The following ATP2B1 variants were observed in gnomAD, a reference collection of about 807,000 sequenced individuals.
The protein encoded by ATP2B1 is plasma membrane calcium-transporting ATPase 1.
ATP2B1 carries 14 observed loss-of-function variants against 124.2 expected under a neutral mutation model. That is an observed-to-expected ratio of 0.11 (90% CI 0.07 to 0.18). The LOEUF is 0.18. ATP2B1 is among the 10% of genes least tolerant of loss of function. The pLI, the probability that ATP2B1 is intolerant of heterozygous loss-of-function variation, is 1.00. For synonymous variants in ATP2B1, 449 were observed against 492.4 expected (o/e 0.91, Z 1.17); for missense variants, 763 against 1,466.1 (o/e 0.52, Z 7.83).
intron 1 of ATP2B1, among the ~76,000 whole-genome samples, chr12:89,661,637 C>A (rs1416716408): frequency 6.6e-6 from 1 of 152,156 alleles, no homozygotes; most frequent in Non-Finnish European, 1.5e-5. Flanking sequence ...GGTACTGACA[C>A]CCTGACCATT....
intron 1 of ATP2B1, among the ~76,000 whole-genome samples, chr12:89,659,661 G>T (rs1443758260): frequency 6.6e-6 from 1 of 152,180 alleles, no homozygotes; most frequent in Non-Finnish European, 1.5e-5. Flanking sequence ...AGTGGCTCAT[G>T]CCTGTAATCC....
intron 2 of ATP2B1, among the ~76,000 whole-genome samples, chr12:89,643,247 TAC>T (rs1266504859): frequency 5.9e-5 from 9 of 151,396 alleles, no homozygotes; most frequent in Non-Finnish European, 7.4e-5. Context: ...TATGTATATA[TAC>T]ACACACATAT....
Position 89,603,102 on chromosome 12 carries a change from C to T in ATP2B1, c.3001G>A (p.Glu1001Lys), listed in dbSNP as rs1005058350. 2 of 1,613,888 alleles carry T rather than the reference C, an allele frequency of 1.2e-6. No homozygotes were observed. Among genetic ancestry groups the T allele is most frequent in the African/African-American group, 1.3e-5 (1 of 75,014 alleles). The change falls in exon 18 of 21, where the codon GAA (glutamate) becomes AAA (lysine). Residue 1001 changes from glutamate (E) to lysine (K), a missense_variant. By Grantham distance (56) the Glu-to-Lys change is moderately conservative. Around this residue, in one of 7 missense-constraint regions of ATP2B1, gnomAD observed 118 missense variants for 240.3 expected, o/e 0.49. Transcript: ENST00000428670. The surrounding 1 kb of genome is among the most constrained non-coding windows in gnomAD (Gnocchi z 4.3). ...AAGATGGCATTGTTAAAGATTCCTTCGAATACATTTCTTTCACCATGAATT... is the reference window on the plus strand; with the variant it reads ...AAGATGGCATTGTTAAAGATTCCTTTGAATACATTTCTTTCACCATGAATT... Reference protein sequence around the residue: ...RKIHGERNVFEGIFNNAIFCT... With the variant: ...RKIHGERNVFKGIFNNAIFCT...
chr12:89,593,616 G>A (rs550810027), intron 20 of ATP2B1: 1 of 152,174 alleles, frequency 6.6e-6, no homozygotes, highest in Non-Finnish European at 1.5e-5. Context: ...GTAAACTTAA[G>A]TTAGAGATTT....
At chr12:89,618,017 G>A (rs1036041513) in intron 11 of ATP2B1, among the ~76,000 whole-genome samples, 1 of 151,852 alleles carries the variant, frequency 6.6e-6, no homozygotes, top group East Asian at 1.9e-4. Flanking sequence ...ACTTTCTTCT[G>A]GTTCTTACTT....
At chr12:89,651,897 CTTATT>C (rs773424675) in intron 2 of ATP2B1, among the ~76,000 whole-genome samples, 10 of 152,102 alleles carry the variant, frequency 6.6e-5, no homozygotes, top group Non-Finnish European at 1.5e-4. Context: ...AAAATATTAA[CTTATT>C]TTAATATTTT....
chr12:89,667,407 C>A (rs554683175), intron 1 of ATP2B1, among the ~76,000 whole-genome samples: 1 of 152,268 alleles, frequency 6.6e-6, no homozygotes, highest in East Asian at 1.9e-4. Context: ...GAGGGTATTA[C>A]CCAGGGATCT....
At chr12:89,636,731 G>A (rs771297634) in intron 3 of ATP2B1, among the ~76,000 whole-genome samples, 5 of 152,108 alleles carry the variant, frequency 3.3e-5, no homozygotes, top group Non-Finnish European at 7.4e-5. Flanking sequence ...TGGAAGACTT[G>A]ACGTGAACAG....
intron 2 of ATP2B1, among the ~76,000 whole-genome samples, chr12:89,643,843 AC>A (rs1428167299): frequency 1.3e-5 from 2 of 152,296 alleles, no homozygotes; most frequent in Non-Finnish European, 2.9e-5. Context: ...TAATCCCAAC[AC>A]TTTGGGAGGC....
intron 1 of ATP2B1, among the ~76,000 whole-genome samples, chr12:89,701,970 G>A (rs755066047): frequency 6.6e-6 from 1 of 152,166 alleles, no homozygotes; most frequent in African/African-American, 2.4e-5. Context: ...ATGCAACACA[G>A]CTCTCAACTC....
intron 1 of ATP2B1, among the ~76,000 whole-genome samples, chr12:89,677,564 C>G (rs1185521021): frequency 6.6e-6 from 1 of 152,082 alleles, no homozygotes; most frequent in Admixed American, 6.6e-5. Context: ...TCTCTGCATC[C>G]TCCTCTACTA....
chr12:89,649,505 G>A (rs1286118562), intron 2 of ATP2B1, among the ~76,000 whole-genome samples: 4 of 152,204 alleles, frequency 2.6e-5, no homozygotes, highest in African/African-American at 9.7e-5. Context: ...TAAAACCAAT[G>A]CCTGTACCAC....
intron 2 of ATP2B1, among the ~76,000 whole-genome samples, chr12:89,648,069 ATTTC>A (rs1884743268): frequency 1.3e-5 from 2 of 152,198 alleles, no homozygotes; most frequent in Non-Finnish European, 1.5e-5. Flanking sequence ...AGTCTCAAGT[ATTTC>A]TTTATAACAA....
At chr12:89,598,698 C>A in intron 20 of ATP2B1, 1 of 1,614,002 alleles carries the variant, frequency 6.2e-7, no homozygotes, top group Non-Finnish European at 8.5e-7. Flanking sequence ...CGCCTTAGAG[C>A]CCCCTGAATG....
At chr12:89,706,293 A>T (rs1011511700) in intron 1 of ATP2B1, among the ~76,000 whole-genome samples, 4 of 152,104 alleles carry the variant, frequency 2.6e-5, no homozygotes, top group African/African-American at 9.7e-5. Context: ...AAATCACAAA[A>T]GGTAAGTTGT....
intron 3 of ATP2B1, among the ~76,000 whole-genome samples, chr12:89,640,428 G>A (rs1419899642): frequency 6.6e-6 from 1 of 152,190 alleles, no homozygotes. Context: ...GGGGTGGGGT[G>A]CAGAATGAAT....
At chr12:89,613,940 A>C (rs573962180) in intron 12 of ATP2B1, among the ~76,000 whole-genome samples, 2 of 152,370 alleles carry the variant, frequency 1.3e-5, no homozygotes, top group Admixed American at 1.3e-4. Context: ...ACTGTACAAA[A>C]TAAACTCAGA....
intron 1 of ATP2B1, among the ~76,000 whole-genome samples, chr12:89,658,643 G>GAGAT (rs1303645807): frequency 2.8e-5 from 4 of 142,790 alleles, no homozygotes; most frequent in Non-Finnish European, 4.7e-5. Context: ...GAGAGAGAGA[G>GAGAT]AGAGATAGAG....
rs551941206 is a variant in ATP2B1, at chr12:89,604,082, AT to A, written c.2634+72del. 996 of 1,471,040 alleles carry A rather than the reference AT, an allele frequency of 6.8e-4. 1 individual carries two copies. The highest frequency in any genetic ancestry group is 8.5e-4 in the Non-Finnish European group (917 of 1,083,588). 91.1% of individuals were successfully genotyped at this position (1,471,040 alleles called of 1,614,324 possible). A position where few individuals can be genotyped will look rare whatever the true frequency, so the allele number is the denominator to read the frequency against. ...TTAAGCTTCAGCTTAAATATTAAGT[AT>A]TTTTTAAGAGGCATTTAATATACTT... On this transcript the variant is annotated intron_variant, in intron 16 of 20. Coordinates refer to ENST00000428670, the MANE Select transcript of ATP2B1 (RefSeq NM_001366521.1).
Sources: allele counts gnomAD v4.1 joint callset (sites outside exome capture counted in the v4.1 genomes callset), GRCh38; gene constraint gnomAD v4.1.1; regional missense constraint gnomAD v4.1.1; non-coding constraint Gnocchi (gnomAD v3.1); transcripts MANE v1.5; gene names NCBI Gene and HGNC (gene_info 2026-07-23, HGNC 2026-07-21).